Variants in ABCC4 observed in about 807,000 individuals in gnomAD.
The protein encoded by ABCC4 is ATP-binding cassette sub-family C member 4.
In ABCC4, 102 loss-of-function variants were observed where a neutral mutation model predicts 168.5. That is an observed-to-expected ratio of 0.61 (90% confidence interval 0.52 to 0.71). The LOEUF is 0.71. Among genes scored for constraint, ABCC4 ranks in the 30% least tolerant of loss-of-function variants. The pLI, the probability that ABCC4 is intolerant of heterozygous loss-of-function variation, is 0.00. For synonymous variants in ABCC4, 617 were observed against 590.7 expected, an observed-to-expected ratio of 1.04 and a Z score of -0.65; for missense variants, 1,402 against 1,605.8, an observed-to-expected ratio of 0.87 and a Z score of 2.17.
At position 95,151,605 on chromosome 13, in the gene ABCC4, A is replaced by AAGGAGAAGAAGGAGG. The variant is rs1555321599; in HGVS notation, c.2455+9583_2455+9584insCCTCCTTCTTCTCCT. On this transcript the variant is annotated intron_variant, in intron 19 of 30. Coordinates refer to ENST00000645237, the MANE Select transcript of ABCC4 (RefSeq NM_005845.5). Reference sequence around the variant, plus strand: ...GGAGAAGGAGAAGAAGGAGGAGGAGAAGGAGAAGGAGAAGAAGGAGAAGAA... The same window carrying AAGGAGAAGAAGGAGG: ...GGAGAAGGAGAAGAAGGAGGAGGAGAAGGAGAAGAAGGAGGAGGAGAAGGAGAAGAAGGAGAAGAA... Among the ~76,000 whole-genome samples, 21 of 79,464 alleles carry AAGGAGAAGAAGGAGG rather than the reference A, an allele frequency of 2.6e-4. No homozygotes were observed. The East Asian group carries it at 5.9e-3, about 22-fold the overall frequency. The allele number at this position is 79,464 out of a possible 152,430, so 52.1% of individuals were successfully genotyped here.
At chr13:95,252,202 G>T (rs1409527649) in intron 1 of ABCC4, among the ~76,000 whole-genome samples, 1 of 152,048 alleles carries the variant, frequency 6.6e-6, no homozygotes, top group Non-Finnish European at 1.5e-5. Flanking sequence ...AAAGGTTAAG[G>T]TTCTCAAGCC....
chr13:95,154,203 G>C (rs1351255901), intron 19 of ABCC4, among the ~76,000 whole-genome samples: 1 of 152,076 alleles, frequency 6.6e-6, no homozygotes, highest in Admixed American at 6.6e-5. Context: ...GTGTGTTTTT[G>C]TTTTGCAACA....
At chr13:95,034,151 T>A (rs1163133320) in intron 30 of ABCC4, among the ~76,000 whole-genome samples, 1 of 152,178 alleles carries the variant, frequency 6.6e-6, no homozygotes, top group Admixed American at 6.5e-5. Context: ...AGGTAGATCA[T>A]TCTAGAACAA....
intron 19 of ABCC4, among the ~76,000 whole-genome samples, chr13:95,130,815 G>GA (rs1437806209): frequency 3.3e-5 from 5 of 152,154 alleles, no homozygotes; most frequent in Non-Finnish European, 7.3e-5. Flanking sequence ...CTTCTCCCGT[G>GA]TGCCTACAAA....
At chr13:95,049,581 C>T (rs1234605863) in intron 27 of ABCC4, among the ~76,000 whole-genome samples, 1 of 151,886 alleles carries the variant, frequency 6.6e-6, no homozygotes, top group Non-Finnish European at 1.5e-5. Flanking sequence ...GCGGAGGTTG[C>T]AGTGAGCCGA....
intron 19 of ABCC4, among the ~76,000 whole-genome samples, chr13:95,160,676 A>G (rs138400078): frequency 6.6e-6 from 1 of 152,214 alleles, no homozygotes; most frequent in Non-Finnish European, 1.5e-5. Flanking sequence ...TCTTTCAGGG[A>G]AACCTCACAG....
intron 4 of ABCC4, among the ~76,000 whole-genome samples, chr13:95,232,536 G>T (rs1474605810): frequency 1.3e-5 from 2 of 152,022 alleles, no homozygotes; most frequent in Non-Finnish European, 2.9e-5. Flanking sequence ...AATTAGCTGG[G>T]TGTGGTGGCC....
intron 20 of ABCC4, among the ~76,000 whole-genome samples, chr13:95,085,494 A>G (rs2034227526): frequency 6.6e-6 from 1 of 152,186 alleles, no homozygotes; most frequent in South Asian, 2.1e-4. Flanking sequence ...ATACATGCAC[A>G]CTTTGTAGAG....
chr13:95,101,525 T>C (rs2034806623), intron 20 of ABCC4, among the ~76,000 whole-genome samples: 1 of 152,188 alleles, frequency 6.6e-6, no homozygotes, highest in African/African-American at 2.4e-5. Flanking sequence ...AACCTCTGCA[T>C]CTTATCTTCA....
intron 30 of ABCC4, among the ~76,000 whole-genome samples, chr13:95,029,974 A>T (rs2031786335): frequency 7.6e-6 from 1 of 130,996 alleles, no homozygotes; most frequent in Non-Finnish European, 1.6e-5. Context: ...GGATGTCAGG[A>T]CTTCTTGTCT....
intron 20 of ABCC4, among the ~76,000 whole-genome samples, chr13:95,113,202 C>G (rs770397443): frequency 1.3e-5 from 2 of 152,152 alleles, no homozygotes; most frequent in South Asian, 2.1e-4. Flanking sequence ...CTCCTTCCCC[C>G]CTAAAAGATC....
intron 20 of ABCC4, among the ~76,000 whole-genome samples, chr13:95,090,653 C>T (rs1193146517): frequency 6.6e-6 from 1 of 152,198 alleles, no homozygotes; most frequent in Non-Finnish European, 1.5e-5. Flanking sequence ...GACCTTCCCT[C>T]TGACAGAGCC....
chr13:95,061,116 A>G (rs1334813875), intron 26 of ABCC4, among the ~76,000 whole-genome samples: 2 of 152,208 alleles, frequency 1.3e-5, no homozygotes, highest in Non-Finnish European at 2.9e-5. Context: ...CATTGTATGG[A>G]TAGACCACGT....
intron 1 of ABCC4, among the ~76,000 whole-genome samples, chr13:95,293,925 A>C (rs1308405969): frequency 6.6e-6 from 1 of 151,900 alleles, no homozygotes; most frequent in African/African-American, 2.4e-5. Context: ...GATTACAGGC[A>C]TGTGCCACCA....
intron 1 of ABCC4, among the ~76,000 whole-genome samples, chr13:95,250,558 C>T (rs1325025296): frequency 6.6e-6 from 1 of 152,016 alleles, no homozygotes; most frequent in Admixed American, 6.6e-5. Flanking sequence ...GTGCTCAATG[C>T]CCAACACAGG....
intron 9 of ABCC4, among the ~76,000 whole-genome samples, chr13:95,194,620 G>GAGATAAAATA (rs2038358132): frequency 6.6e-6 from 1 of 152,238 alleles, no homozygotes; most frequent in East Asian, 1.9e-4. Context: ...TTTTGAAAAT[G>GAGATAAAATA]AGATAAAATA....
intron 18 of ABCC4, chr13:95,161,629 T>C (rs1157192594): frequency 1.6e-5 from 3 of 186,680 alleles, no homozygotes; most frequent in African/African-American, 4.7e-5. Flanking sequence ...AGAAGTAGGA[T>C]AGATAATCAT....
rs2032038348 is a variant in ABCC4 at position 95,034,586 on chromosome 13, C to A, written c.3870+19G>T. ...CCGCTGAGACAAACTTTAATTACAA[C>A]TCCTTGGAGCACGCTCACCTGTTTT... On this transcript the variant is annotated intron_variant, in intron 30 of 30. Coordinates refer to ENST00000645237, the MANE Select transcript of ABCC4 (RefSeq NM_005845.5). The A allele has an allele frequency of 2.5e-6, 4 of 1,607,118 alleles. No individual in the cohort carries two copies. The highest frequency in any genetic ancestry group is 3.4e-6 in the Non-Finnish European group (4 of 1,178,060).
chr13:95,068,874 G>A lies in ABCC4; in HGVS notation c.3210+2788C>T, dbSNP rs573805094. Among the ~76,000 whole-genome samples, 32 of 152,364 alleles carry A rather than the reference G, an allele frequency of 2.1e-4. No individual in the cohort carries two copies. In the East Asian group the frequency reaches 3.1e-3, roughly 15 times the overall value. ...TAGGACCTAATAACACATTGTCTGAGAGTAAGCAAACATCCCCCTGGCCCC... is the reference window on the plus strand; with the variant it reads ...TAGGACCTAATAACACATTGTCTGAAAGTAAGCAAACATCCCCCTGGCCCC... On this transcript the variant is annotated intron_variant, in intron 25 of 30. Coordinates refer to ENST00000645237, the MANE Select transcript of ABCC4 (RefSeq NM_005845.5).
Sources: allele counts gnomAD v4.1 joint callset (sites outside exome capture counted in the v4.1 genomes callset), GRCh38; gene constraint gnomAD v4.1.1; transcripts MANE v1.5; gene names NCBI Gene and HGNC (gene_info 2026-07-23, HGNC 2026-07-21).